SCAPER: variants seen among roughly 807,000 people sequenced by gnomAD.
SCAPER encodes S phase cyclin A-associated protein in the endoplasmic reticulum.
Under a neutral mutation model 182.2 loss-of-function variants are expected in SCAPER, and 98 were observed. The ratio of observed to expected loss-of-function variants is 0.54; its 90% CI spans 0.46 to 0.64. The LOEUF (loss-of-function observed/expected upper bound fraction) is 0.64. Among genes scored for constraint, SCAPER ranks in the 30% least tolerant of loss-of-function variants. SCAPER has a pLI of 0.00. For synonymous variants in SCAPER, 605 were observed against 564.6 expected (o/e 1.07, Z -1.01); for missense variants, 1,432 against 1,690.0 (o/e 0.85, Z 2.68).
intron 23 of SCAPER, among the ~76,000 whole-genome samples, chr15:76,541,330 G>A (rs569836932): frequency 6.6e-6 from 1 of 152,164 alleles, no homozygotes; most frequent in African/African-American, 2.4e-5. Context: ...TATTTTCTGA[G>A]GACAATTCAG....
At chr15:76,614,194 G>T (rs1399989159) in intron 22 of SCAPER, among the ~76,000 whole-genome samples, 1 of 152,160 alleles carries the variant, frequency 6.6e-6, no homozygotes, top group Non-Finnish European at 1.5e-5. Context: ...GGAGCTAAAT[G>T]ATGAGAACTC....
intron 5 of SCAPER, among the ~76,000 whole-genome samples, chr15:76,830,051 A>G (rs2068323828): frequency 6.6e-6 from 1 of 152,212 alleles, no homozygotes; most frequent in African/African-American, 2.4e-5. Flanking sequence ...TGAAATGTAA[A>G]TTATGAATAG....
In SCAPER at chr15:76,373,267, C is replaced by T. The variant is rs184366385; in HGVS notation, c.3855+2895G>A. Among the ~76,000 whole-genome samples, 75 of 152,158 alleles carry T rather than the reference C, an allele frequency of 4.9e-4. 1 individual carries two copies. Among genetic ancestry groups the T allele is most frequent in the Admixed American group, 4.0e-3 (61 of 15,292 alleles). On this transcript the variant is annotated intron_variant, in intron 29 of 31. Transcript: ENST00000563290. ...TTCATAATGTTGGCCAGGCTGGTCT[C>T]CAACTCCTGACCTCAGGTGATCCAC...
At chr15:76,405,625 C>T (rs1045075875) in intron 26 of SCAPER, among the ~76,000 whole-genome samples, 16 of 152,254 alleles carry the variant, frequency 1.1e-4, no homozygotes, top group Non-Finnish European at 1.8e-4. Context: ...ACAACAGTAA[C>T]TCTTTTATTA....
At chr15:76,507,408 C>G (rs1284389623) in intron 23 of SCAPER, among the ~76,000 whole-genome samples, 2 of 152,166 alleles carry the variant, frequency 1.3e-5, no homozygotes, top group Non-Finnish European at 2.9e-5. Context: ...GTCTGTGGCA[C>G]TTTCTTATGG....
chr15:76,619,576 A>AT (rs1410680184), intron 22 of SCAPER, among the ~76,000 whole-genome samples: 1 of 151,630 alleles, frequency 6.6e-6, no homozygotes, highest in Non-Finnish European at 1.5e-5. Flanking sequence ...CTCTGCAATT[A>AT]TTTTTTCTTT....
At chr15:76,848,482 C>T (rs1156520650) in intron 4 of SCAPER, among the ~76,000 whole-genome samples, 8 of 151,870 alleles carry the variant, frequency 5.3e-5, no homozygotes, top group Non-Finnish European at 1.0e-4. Context: ...TACAGGCACC[C>T]GCCACCATAC....
intron 2 of SCAPER, among the ~76,000 whole-genome samples, chr15:76,869,928 T>A (rs541894440): frequency 3.3e-5 from 5 of 152,222 alleles, no homozygotes; most frequent in African/African-American, 1.2e-4. Context: ...AAGAATAAAA[T>A]CCTGTCACTT....
chr15:76,711,721 C>T (rs559502124), intron 17 of SCAPER, among the ~76,000 whole-genome samples: 173 of 152,158 alleles, frequency 1.1e-3, no homozygotes, highest in African/African-American at 3.2e-3. Flanking sequence ...GGTTTTTGGC[C>T]GCATAAATGT....
At chr15:76,566,918 T>C (rs1372765612) in intron 23 of SCAPER, among the ~76,000 whole-genome samples, 2 of 152,116 alleles carry the variant, frequency 1.3e-5, no homozygotes, top group Admixed American at 6.5e-5. Flanking sequence ...ATTTGAACAC[T>C]GTGTAACCAG....
intron 10 of SCAPER, among the ~76,000 whole-genome samples, chr15:76,768,345 C>G (rs1443841350): frequency 6.6e-6 from 1 of 152,158 alleles, no homozygotes; most frequent in Non-Finnish European, 1.5e-5. Flanking sequence ...TTCATTCATT[C>G]AGTGGACTAT....
chr15:76,770,533 C>A (rs1048245355), intron 10 of SCAPER, among the ~76,000 whole-genome samples: 1 of 151,988 alleles, frequency 6.6e-6, no homozygotes, highest in Non-Finnish European at 1.5e-5. Flanking sequence ...CACATTAAAG[C>A]AGAATTTATT....
chr15:76,401,931 A>G (rs990019391), intron 27 of SCAPER, among the ~76,000 whole-genome samples: 1 of 152,176 alleles, frequency 6.6e-6, no homozygotes, highest in Non-Finnish European at 1.5e-5. Flanking sequence ...GTTCGAGACC[A>G]GACTGGCCAA....
At chr15:76,493,447 T>C (rs1195954140) in intron 24 of SCAPER, among the ~76,000 whole-genome samples, 2 of 152,188 alleles carry the variant, frequency 1.3e-5, no homozygotes, top group Non-Finnish European at 2.9e-5. Flanking sequence ...AAGGAAATCA[T>C]ATATATTTTA....
intron 21 of SCAPER, among the ~76,000 whole-genome samples, chr15:76,638,314 A>T (rs12591622): frequency 0.27 from 41,531 of 152,072 alleles, 6,458 homozygotes; most frequent in East Asian, 0.55. Flanking sequence ...AACAACAATA[A>T]ATATTGACAC....
chr15:76,487,884 T>G (rs1232852716), intron 24 of SCAPER, among the ~76,000 whole-genome samples: 4 of 152,284 alleles, frequency 2.6e-5, no homozygotes, highest in Admixed American at 6.5e-5. Flanking sequence ...CATTTCCTGC[T>G]GCATACTTGG....
chr15:76,618,141 TC>T (rs1348415873), intron 22 of SCAPER, among the ~76,000 whole-genome samples: 2 of 152,086 alleles, frequency 1.3e-5, no homozygotes, highest in Non-Finnish European at 2.9e-5. Context: ...GTGTCTGTGA[TC>T]CCAGCTACTA....
At chr15:76,367,561 C>A (rs1351960662) in intron 29 of SCAPER, among the ~76,000 whole-genome samples, 1 of 152,150 alleles carries the variant, frequency 6.6e-6, no homozygotes, top group African/African-American at 2.4e-5. Flanking sequence ...CTGGCAGCAG[C>A]CCCTCAGGCT....
intron 23 of SCAPER, among the ~76,000 whole-genome samples, chr15:76,557,968 G>A (rs1036292917): frequency 1.3e-5 from 2 of 152,000 alleles, no homozygotes; most frequent in Non-Finnish European, 2.9e-5. Context: ...GAAACTGGAC[G>A]CCTTTCTTAC....
Sources: allele counts gnomAD v4.1 joint callset (sites outside exome capture counted in the v4.1 genomes callset), GRCh38; gene constraint gnomAD v4.1.1; transcripts MANE v1.5; gene names NCBI Gene and HGNC (gene_info 2026-07-23, HGNC 2026-07-21).